Variants in STX8 observed in about 807,000 individuals in gnomAD.
STX8 encodes the protein syntaxin 8.
A neutral mutation model predicts 37.5 loss-of-function variants in STX8; 23 were observed. The ratio of observed to expected loss-of-function variants is 0.61; its 90% CI spans 0.44 to 0.87. The LOEUF (loss-of-function observed/expected upper bound fraction) is 0.87, where lower values mean the gene tolerates loss of function less well. Among genes scored for constraint, STX8 ranks in the 40% least tolerant of loss-of-function variants. The pLI, the probability that STX8 is intolerant of heterozygous loss-of-function variation, is 0.00. For synonymous variants in STX8, 115 were observed against 99.1 expected (o/e 1.16, Z -0.95); for missense variants, 313 against 284.7 (o/e 1.10, Z -0.71).
rs796933986 is a variant in STX8, at chr17:9,372,815, A to G, written c.643+5737T>C. On this transcript the variant is annotated intron_variant, in intron 7 of 7. Coordinates refer to ENST00000306357, the MANE Select transcript of STX8 (RefSeq NM_004853.3). ...TTTTTTTTTTTTAAGGAAAATACTG[A>G]AAAGTGGGCCAGGCGCGGTGGCTCA... is the stretch of plus-strand genomic sequence containing the variant. Among the ~76,000 whole-genome samples the G allele has an allele frequency of 9.7e-4, 146 of 149,962 alleles. 1 individual carries two copies. The highest frequency in any genetic ancestry group is 3.3e-3 in the African/African-American group (137 of 40,962).
chr17:9,353,939 TA>T (rs1230833706), intron 7 of STX8, among the ~76,000 whole-genome samples: 1 of 152,202 alleles, frequency 6.6e-6, no homozygotes, highest in Non-Finnish European at 1.5e-5. Context: ...AAAAAGGTTA[TA>T]ATAAAAACCA....
chr17:9,497,193 T>C (rs1904439391), intron 5 of STX8, among the ~76,000 whole-genome samples: 1 of 152,110 alleles, frequency 6.6e-6, no homozygotes, highest in South Asian at 2.1e-4. Flanking sequence ...AAAGAACCTG[T>C]ATATTAAAGA....
At chr17:9,460,252 C>G (rs1342750001) in intron 6 of STX8, among the ~76,000 whole-genome samples, 2 of 152,164 alleles carry the variant, frequency 1.3e-5, no homozygotes, top group Non-Finnish European at 2.9e-5. Flanking sequence ...CAACTGTTCC[C>G]TCACTCCACA....
At chr17:9,305,891 C>T (rs1401599064) in intron 7 of STX8, among the ~76,000 whole-genome samples, 1 of 151,608 alleles carries the variant, frequency 6.6e-6, no homozygotes, top group Non-Finnish European at 1.5e-5. Flanking sequence ...ATTACAGATG[C>T]GCACCACCAT....
intron 7 of STX8, among the ~76,000 whole-genome samples, chr17:9,255,399 C>T (rs530719319): frequency 6.5e-4 from 99 of 152,106 alleles, no homozygotes; most frequent in African/African-American, 2.1e-3. Context: ...TGGTGGTGCA[C>T]GCTTGTAGTC....
intron 6 of STX8, among the ~76,000 whole-genome samples, chr17:9,384,660 A>G (rs921030794): frequency 1.3e-5 from 2 of 151,946 alleles, no homozygotes; most frequent in African/African-American, 2.4e-5. Flanking sequence ...AAACAAAACA[A>G]AACAGAACAA....
intron 4 of STX8, among the ~76,000 whole-genome samples, chr17:9,528,123 T>C (rs140056390): frequency 2.1e-3 from 313 of 152,334 alleles, no homozygotes; most frequent in Non-Finnish European, 3.7e-3. Flanking sequence ...CTGTTTTCTT[T>C]AAAAATAGGA....
At chr17:9,285,431 A>AAAAAAT in intron 7 of STX8, among the ~76,000 whole-genome samples, 1 of 150,546 alleles carries the variant, frequency 6.6e-6, no homozygotes, top group African/African-American at 2.4e-5. Flanking sequence ...AAAAAAAAAA[A>AAAAAAT]GGAGAAACAT....
intron 7 of STX8, among the ~76,000 whole-genome samples, chr17:9,360,227 C>CTTTTT (rs58213453): frequency 3.0e-4 from 22 of 72,580 alleles, no homozygotes; most frequent in Middle Eastern, 9.3e-3. Flanking sequence ...AATTAACCGT[C>CTTTTT]TTTTTTTTTT....
intron 5 of STX8, among the ~76,000 whole-genome samples, chr17:9,494,776 C>G (rs571250811): frequency 6.6e-6 from 1 of 152,164 alleles, no homozygotes; most frequent in Non-Finnish European, 1.5e-5. Context: ...ACTCAAGTTA[C>G]TCACGATCCT....
At chr17:9,289,048 T>C (rs1394634752) in intron 7 of STX8, among the ~76,000 whole-genome samples, 1 of 152,078 alleles carries the variant, frequency 6.6e-6, no homozygotes, top group African/African-American at 2.4e-5. Flanking sequence ...CAAAATAGGA[T>C]GTACAACAAG....
intron 4 of STX8, among the ~76,000 whole-genome samples, chr17:9,513,315 A>G (rs935331113): frequency 1.3e-4 from 1 of 7,684 alleles, no homozygotes; most frequent in Non-Finnish European, 6.7e-4. Context: ...TCTATTTCCA[A>G]AAAAAAAAAA....
chr17:9,521,556 T>G (rs1905339102), intron 4 of STX8, among the ~76,000 whole-genome samples: 1 of 152,236 alleles, frequency 6.6e-6, no homozygotes, highest in African/African-American at 2.4e-5. Context: ...AGTCCAATAC[T>G]CTGTCCTACT....
chr17:9,541,256 G>A (rs569903838), intron 4 of STX8, among the ~76,000 whole-genome samples: 1 of 150,416 alleles, frequency 6.6e-6, no homozygotes, highest in Admixed American at 6.6e-5. Context: ...TAGGCAGCAA[G>A]CTGGGCACGG....
At chr17:9,353,006 C>T (rs1910762235) in intron 7 of STX8, among the ~76,000 whole-genome samples, 1 of 152,056 alleles carries the variant, frequency 6.6e-6, no homozygotes, top group Non-Finnish European at 1.5e-5. Context: ...ATCCTCCTGC[C>T]TCAGCCTCCC....
chr17:9,406,964 G>A (rs1188723137), intron 6 of STX8, among the ~76,000 whole-genome samples: 4 of 152,120 alleles, frequency 2.6e-5, no homozygotes, highest in Non-Finnish European at 5.9e-5. Context: ...GAAGAGAGCT[G>A]CTTCTCCTAA....
At chr17:9,571,397 C>T (rs935089323) in intron 1 of STX8, among the ~76,000 whole-genome samples, 6 of 151,870 alleles carry the variant, frequency 4.0e-5, no homozygotes, top group African/African-American at 1.2e-4. Context: ...AAAGTCCGGG[C>T]GGGAACCCTT....
intron 4 of STX8, among the ~76,000 whole-genome samples, chr17:9,520,065 T>C (rs1283952267): frequency 6.6e-6 from 1 of 152,206 alleles, no homozygotes; most frequent in East Asian, 1.9e-4. Context: ...ATGACAGTTA[T>C]GTTTATATCC....
At chr17:9,559,749 T>TAC (rs1218236770) in intron 2 of STX8, among the ~76,000 whole-genome samples, 25,991 of 44,884 alleles carry the variant, frequency 0.58, 7,830 homozygotes, top group East Asian at 0.71. Context: ...TATATATATA[T>TAC]ATATATATAT....
Sources: gnomAD v4.1 joint callset for allele counts (sites outside exome capture counted in the v4.1 genomes callset) on GRCh38, gnomAD v4.1.1 for gene constraint, MANE v1.5 for transcripts, NCBI Gene and HGNC (gene_info 2026-07-23, HGNC 2026-07-21) for gene names.